Variants in NRG1 observed in about 807,000 individuals in gnomAD.
The protein encoded by NRG1 is pro-neuregulin-1, membrane-bound isoform.
In NRG1, 18 loss-of-function variants were observed where a neutral mutation model predicts 63.8. The observed-to-expected ratio is 0.28, with a 90% CI of 0.19 to 0.42. The LOEUF (loss-of-function observed/expected upper bound fraction) is 0.42. Among genes scored for constraint, NRG1 ranks in the 10% least tolerant of loss-of-function variants. The probability of loss-of-function intolerance (pLI) is 1.00; values close to 1 mark genes in which losing one functional copy is unlikely to be tolerated. For synonymous variants in NRG1, 302 were observed against 301.3 expected, an observed-to-expected ratio of 1.00 and a Z score of -0.02; for missense variants, 762 against 814.7, an observed-to-expected ratio of 0.94 and a Z score of 0.79.
At chr8:32,456,021 T>C (rs1821551353) in intron 1 of NRG1, among the ~76,000 whole-genome samples, 1 of 152,162 alleles carries the variant, frequency 6.6e-6, no homozygotes, top group South Asian at 2.1e-4. Flanking sequence ...TGACTTCAAG[T>C]GATCTACCCA....
chr8:32,664,698 G>A (rs1303229981), intron 5 of NRG1, among the ~76,000 whole-genome samples: 1 of 152,124 alleles, frequency 6.6e-6, no homozygotes, highest in African/African-American at 2.4e-5. Context: ...AAGGAAATGG[G>A]ATGCCATGCA....
chr8:32,145,226 A>G (rs1295787563), intron 1 of NRG1, among the ~76,000 whole-genome samples: 5 of 152,200 alleles, frequency 3.3e-5, no homozygotes, highest in Non-Finnish European at 7.3e-5. Context: ...GAAAAAGCAT[A>G]AAAACAATCA....
intron 1 of NRG1, among the ~76,000 whole-genome samples, chr8:32,466,092 C>G (rs187876404): frequency 1.3e-5 from 2 of 152,116 alleles, no homozygotes; most frequent in Non-Finnish European, 2.9e-5. Context: ...CGCTTGAGCT[C>G]AGTAGTTCAA....
At chr8:32,622,340 T>C (rs1250517280) in intron 5 of NRG1, among the ~76,000 whole-genome samples, 2 of 152,122 alleles carry the variant, frequency 1.3e-5, no homozygotes, top group East Asian at 3.9e-4. Context: ...TTTAAACAAA[T>C]TATGTGACTT....
chr8:32,563,858 T>G (rs2129527410), intron 1 of NRG1, among the ~76,000 whole-genome samples: 1 of 152,302 alleles, frequency 6.6e-6, no homozygotes, highest in African/African-American at 2.4e-5. Flanking sequence ...ATCGTAACAT[T>G]AAGTTGATTT....
At chr8:32,073,314 G>A (rs905736859) in intron 1 of NRG1, among the ~76,000 whole-genome samples, 3 of 152,140 alleles carry the variant, frequency 2.0e-5, no homozygotes, top group African/African-American at 4.8e-5. Flanking sequence ...TTAATAAGGG[G>A]AAGTTGGAAC....
chr8:32,638,657 C>T (rs1851778199), intron 5 of NRG1, among the ~76,000 whole-genome samples: 1 of 152,182 alleles, frequency 6.6e-6, no homozygotes, highest in East Asian at 1.9e-4. Context: ...TTAAACAAAT[C>T]TGACTCTAGC....
intron 1 of NRG1, among the ~76,000 whole-genome samples, chr8:31,949,177 A>T (rs1197167898): frequency 6.6e-6 from 1 of 152,220 alleles, no homozygotes; most frequent in Non-Finnish European, 1.5e-5. Flanking sequence ...CACTTCACAC[A>T]TGTTATTTAA....
chr8:32,597,438 A>G (rs568276780), intron 2 of NRG1, among the ~76,000 whole-genome samples: 11 of 152,300 alleles, frequency 7.2e-5, no homozygotes, highest in East Asian at 3.9e-4. Flanking sequence ...AGATAGATCT[A>G]TAGCTTTGGA....
intron 1 of NRG1, among the ~76,000 whole-genome samples, chr8:32,463,621 T>C (rs963448644): frequency 2.6e-5 from 4 of 151,908 alleles, no homozygotes; most frequent in African/African-American, 9.7e-5. Flanking sequence ...GATGGGAGGA[T>C]CACTTGAGCC....
intron 1 of NRG1, among the ~76,000 whole-genome samples, chr8:31,812,620 T>C (rs1823000981): frequency 6.6e-6 from 1 of 150,528 alleles, no homozygotes; most frequent in South Asian, 2.1e-4. Flanking sequence ...TCCTTGCCCA[T>C]CCCCTTTCCT....
At chr8:32,220,148 T>G (rs903144684) in intron 1 of NRG1, among the ~76,000 whole-genome samples, 2 of 147,208 alleles carry the variant, frequency 1.4e-5, no homozygotes, top group Non-Finnish European at 3.0e-5. Flanking sequence ...ACACATCATA[T>G]TTTTTTTTTC....
At chr8:31,804,638 G>A (rs1305015289) in intron 1 of NRG1, among the ~76,000 whole-genome samples, 1 of 152,188 alleles carries the variant, frequency 6.6e-6, no homozygotes, top group Non-Finnish European at 1.5e-5. Flanking sequence ...GAGGCCTGCA[G>A]GCTGGAAACT....
intron 1 of NRG1, among the ~76,000 whole-genome samples, chr8:32,157,893 G>C (rs1184786301): frequency 1.3e-5 from 2 of 152,020 alleles, no homozygotes; most frequent in Non-Finnish European, 2.9e-5. Context: ...AATTGGGACA[G>C]GAAACGGCAC....
intron 1 of NRG1, among the ~76,000 whole-genome samples, chr8:31,884,257 A>G (rs1465082989): frequency 1.3e-5 from 2 of 152,244 alleles, no homozygotes; most frequent in South Asian, 2.1e-4. Context: ...ATTTTGAATA[A>G]CTTTGGGCCC....
intron 1 of NRG1, among the ~76,000 whole-genome samples, chr8:32,449,174 G>A (rs1490153984): frequency 2.0e-5 from 3 of 151,988 alleles, no homozygotes; most frequent in Admixed American, 6.6e-5. Context: ...GTGCATGCCT[G>A]CAGTCCCAGA....
chr8:32,361,542 TC>T (rs1807213127), intron 1 of NRG1, among the ~76,000 whole-genome samples: 1 of 152,178 alleles, frequency 6.6e-6, no homozygotes, highest in African/African-American at 2.4e-5. Flanking sequence ...AAGTGACATT[TC>T]TGCATCCCTT....
chr8:32,579,015 T>A (rs11783278), intron 1 of NRG1, among the ~76,000 whole-genome samples: 30,268 of 152,078 alleles, frequency 0.2, 3,804 homozygotes, highest in Admixed American at 0.33. Flanking sequence ...ATGATGATAT[T>A]TTTATCAGCA....
rs36040084 is a variant in NRG1, at chr8:31,742,455, A to ATTTTTTTTTTTTTTTTT, written c.37+103034_37+103050dup. Among the ~76,000 whole-genome samples, 69 of 80,016 alleles carry ATTTTTTTTTTTTTTTTT rather than the reference A, an allele frequency of 8.6e-4. 2 individuals are homozygous for ATTTTTTTTTTTTTTTTT. The highest frequency in any genetic ancestry group is 2.0e-3 in the South Asian group (5 of 2,444). The allele number at this position is 80,016 out of a possible 152,430, so 52.5% of individuals were successfully genotyped here. A position where few individuals can be genotyped will look rare whatever the true frequency, so the allele number is the denominator to read the frequency against. On this transcript the variant is annotated intron_variant, in intron 1 of 10. Transcript: ENST00000519301. ...GCAACGACAGACAACTTTTTTAAGA[A>ATTTTTTTTTTTTTTTTT]TTTTTTTTTTTTTTTTTTTTTTTTT...
Sources: gnomAD v4.1 joint callset for allele counts (sites outside exome capture counted in the v4.1 genomes callset) on GRCh38, gnomAD v4.1.1 for gene constraint, MANE v1.5 for transcripts, NCBI Gene and HGNC (gene_info 2026-07-23, HGNC 2026-07-21) for gene names.